The following VWA8 variants were observed in gnomAD, a reference collection of about 807,000 sequenced individuals.
The protein encoded by VWA8 is von Willebrand factor A domain containing 8.
VWA8 carries 221 observed loss-of-function variants against 241.5 expected under a neutral mutation model. The observed-to-expected ratio is 0.91, with a 90% CI of 0.82 to 1.02. VWA8 has a LOEUF of 1.02. Among genes scored for constraint, VWA8 ranks in the 50% least tolerant of loss-of-function variants. The probability of loss-of-function intolerance (pLI) is 0.00; values close to 1 mark genes in which losing one functional copy is unlikely to be tolerated. For missense variants in VWA8, 2,322 were observed against 2,328.7 expected, an observed-to-expected ratio of 1.00 and a Z score of 0.06; for synonymous variants, 852 against 827.1, an observed-to-expected ratio of 1.03 and a Z score of -0.52.
chr13:41,927,319 C>T, intron 2 of VWA8: 1 of 528,652 alleles, frequency 1.9e-6, no homozygotes, highest in Non-Finnish European at 3.9e-6. Flanking sequence ...CACTGATATG[C>T]TGGAAAGCAC....
chr13:41,713,849 G>T (rs893537303), intron 26 of VWA8, among the ~76,000 whole-genome samples: 17 of 152,124 alleles, frequency 1.1e-4, no homozygotes, highest in African/African-American at 4.1e-4. Context: ...AGATGGGAAA[G>T]AAGTGTTAGA....
chr13:41,573,484 AAAAT>A (rs1555303580), intron 43 of VWA8, among the ~76,000 whole-genome samples: 9 of 117,008 alleles, frequency 7.7e-5, no homozygotes, highest in South Asian at 5.8e-4. Flanking sequence ...TAAAAAAAAA[AAAAT>A]ATATATATAT....
At chr13:41,927,304 G>C in intron 2 of VWA8, 1 of 522,804 alleles carries the variant, frequency 1.9e-6, no homozygotes, top group Non-Finnish European at 3.9e-6. Flanking sequence ...GGAGAATGTA[G>C]CAACCACTGA....
intron 9 of VWA8, among the ~76,000 whole-genome samples, chr13:41,882,659 T>A (rs1371339927): frequency 6.6e-6 from 1 of 152,070 alleles, no homozygotes; most frequent in East Asian, 1.9e-4. Flanking sequence ...CGAAAACCAG[T>A]CAGGCGTGGC....
At chr13:41,605,308 C>G (rs370353113) in intron 39 of VWA8, 32 bp from the exon 40 acceptor site, 1 of 1,604,296 alleles carries the variant, frequency 6.2e-7, no homozygotes, top group Non-Finnish European at 8.5e-7. Context: ...AAGTTAACAG[C>G]TTAAATCACG....
At chr13:41,770,320 A>T (rs993039202) in intron 20 of VWA8, among the ~76,000 whole-genome samples, 14 of 152,014 alleles carry the variant, frequency 9.2e-5, no homozygotes, top group African/African-American at 3.4e-4. Context: ...GGGCGCCTGT[A>T]GTCCCAGCTA....
At chr13:41,756,150 A>C (rs573935658) in intron 21 of VWA8, among the ~76,000 whole-genome samples, 2 of 151,818 alleles carry the variant, frequency 1.3e-5, no homozygotes, top group African/African-American at 4.8e-5. Flanking sequence ...TTAAAATATC[A>C]TAAGATGATA....
chr13:41,608,323 G>A lies in VWA8; in HGVS notation c.4878-3047C>T, dbSNP rs147144375. Among the ~76,000 whole-genome samples the A allele has an allele frequency of 3.0e-4, 46 of 152,214 alleles. No individual in the cohort carries two copies. In the South Asian group the frequency reaches 4.1e-3, roughly 14 times the overall value. On this transcript the variant is annotated intron_variant, in intron 39 of 44. Coordinates refer to ENST00000379310, the MANE Select transcript of VWA8 (RefSeq NM_015058.2). ...TTGAAAGATGATGACTGAAGCAAGG[G>A]ATGTAGAAAGAAAAGAAATTTTAGC... is the stretch of plus-strand genomic sequence containing the variant.
intron 2 of VWA8, among the ~76,000 whole-genome samples, chr13:41,936,078 A>C (rs984288828): frequency 3.3e-5 from 5 of 152,136 alleles, no homozygotes; most frequent in Admixed American, 1.3e-4. Context: ...AAATGTCAGA[A>C]GATGTACTTT....
At chr13:41,569,888 A>G (rs1017765798) in intron 44 of VWA8, among the ~76,000 whole-genome samples, 9 of 152,116 alleles carry the variant, frequency 5.9e-5, no homozygotes, top group Non-Finnish European at 1.2e-4. Flanking sequence ...AACTATATGT[A>G]TATTATCTTA....
chr13:41,851,887 A>T (rs1872544791), intron 12 of VWA8, among the ~76,000 whole-genome samples: 1 of 152,200 alleles, frequency 6.6e-6, no homozygotes, highest in African/African-American at 2.4e-5. Flanking sequence ...ATGCCACAAT[A>T]AACATGGGAG....
At chr13:41,731,193 C>A (rs2045480332) in intron 22 of VWA8, among the ~76,000 whole-genome samples, 1 of 151,956 alleles carries the variant, frequency 6.6e-6, no homozygotes, top group Non-Finnish European at 1.5e-5. Flanking sequence ...AAAGACTCCA[C>A]TCCCTGGGGT....
intron 2 of VWA8, among the ~76,000 whole-genome samples, chr13:41,944,171 TGGAATAGAGTAA>T (rs1877737620): frequency 1.3e-5 from 2 of 151,362 alleles, no homozygotes; most frequent in Non-Finnish European, 2.9e-5. Flanking sequence ...CAGGCATTAC[TGGAATAGAGTAA>T]GGACCTCTGA....
At chr13:41,852,854 C>T (rs1009071850) in intron 12 of VWA8, among the ~76,000 whole-genome samples, 2 of 151,996 alleles carry the variant, frequency 1.3e-5, no homozygotes, top group Non-Finnish European at 1.5e-5. Context: ...TATTACTATT[C>T]CTTTGTGGAA....
intron 20 of VWA8, among the ~76,000 whole-genome samples, chr13:41,772,192 C>T (rs1020127807): frequency 2.6e-5 from 4 of 152,096 alleles, no homozygotes; most frequent in African/African-American, 7.2e-5. Context: ...GCCCGGCCTC[C>T]GGCAGGGACT....
chr13:41,588,721 A>AG (rs1019557567), intron 41 of VWA8, among the ~76,000 whole-genome samples: 4 of 144,866 alleles, frequency 2.8e-5, no homozygotes, highest in Non-Finnish European at 6.0e-5. Context: ...CCCTGTCTCT[A>AG]GAAAAAAAAA....
chr13:41,578,113 G>A lies in VWA8; in HGVS notation c.5272-2275C>T, dbSNP rs144548238. Among the ~76,000 whole-genome samples the A allele has an allele frequency of 7.9e-5, 12 of 152,276 alleles. No individual in the cohort carries two copies. In the East Asian group the frequency reaches 1.3e-3, roughly 17 times the overall value. On this transcript the variant is annotated intron_variant, in intron 42 of 44. Transcript: ENST00000379310. Reference sequence around the variant, plus strand: ...TTCTAGGCAAATGAGACAAAGAAAGGTGGACTGTATGCTTCTTTTTCTTCC... The same window carrying A: ...TTCTAGGCAAATGAGACAAAGAAAGATGGACTGTATGCTTCTTTTTCTTCC...
At chr13:41,619,190 T>G (rs1276790253) in intron 37 of VWA8, among the ~76,000 whole-genome samples, 4 of 152,222 alleles carry the variant, frequency 2.6e-5, no homozygotes, top group Non-Finnish European at 4.4e-5. Flanking sequence ...TTCACATCCC[T>G]TGTAAGCTGG....
chr13:41,892,645 C>T (rs1340943514), intron 4 of VWA8, among the ~76,000 whole-genome samples: 1 of 152,218 alleles, frequency 6.6e-6, no homozygotes, highest in African/African-American at 2.4e-5. Flanking sequence ...GAAACTCCCC[C>T]TCATTAGTAC....
Sources: gnomAD v4.1 joint callset for allele counts (sites outside exome capture counted in the v4.1 genomes callset) on GRCh38, gnomAD v4.1.1 for gene constraint, MANE v1.5 for transcripts, NCBI Gene and HGNC (gene_info 2026-07-23, HGNC 2026-07-21) for gene names.